The following KIF6 variants were observed in gnomAD, a reference collection of about 807,000 sequenced individuals.
The protein encoded by KIF6 is kinesin family member 6, also known as kinesin-like protein KIF6.
Under a neutral mutation model 112.7 loss-of-function variants are expected in KIF6, and 106 were observed. That is an observed-to-expected ratio of 0.94 (90% CI 0.80 to 1.11). KIF6 has a LOEUF of 1.11. KIF6 is among the 50% of genes least tolerant of loss of function. KIF6 has a pLI of 0.00. For missense variants in KIF6, 929 were observed against 964.0 expected (o/e 0.96, Z 0.48); for synonymous variants, 339 against 339.9 (o/e 1.00, Z 0.03).
intron 12 of KIF6, among the ~76,000 whole-genome samples, chr6:39,543,589 T>A: frequency 6.6e-6 from 1 of 150,684 alleles, no homozygotes; most frequent in East Asian, 1.9e-4. Context: ...TTTGCATAAA[T>A]AGCTGAAGCT....
intron 3 of KIF6, among the ~76,000 whole-genome samples, chr6:39,698,868 T>A: frequency 6.6e-6 from 1 of 152,244 alleles, no homozygotes; most frequent in South Asian, 2.1e-4. Context: ...ATGGGAATTT[T>A]CATTAATTAA....
At chr6:39,430,961 T>G in intron 14 of KIF6, 92 bp downstream of exon 14, 1 of 647,298 alleles carries the variant, frequency 1.5e-6, no homozygotes, top group Non-Finnish European at 2.8e-6. Context: ...ATAGTTATGT[T>G]GGGCAGATTA....
In KIF6 at chr6:39,414,560, T is replaced by C. The variant is rs145393590; in HGVS notation, c.1810+5388A>G. On this transcript the variant is annotated intron_variant, in intron 15 of 22. Transcript: ENST00000287152. ...ATGGAGAGCAAGGGCAGGCTGGACT[T>C]CAGCCCCACTCACTGCCACAACTGG... Among the ~76,000 whole-genome samples the C allele has an allele frequency of 2.0e-3, 309 of 152,336 alleles. 3 individuals carry two copies. Among genetic ancestry groups the C allele is most frequent in the African/African-American group, 7.2e-3 (301 of 41,568 alleles).
At chr6:39,675,885 G>T (rs1176007886) in intron 3 of KIF6, among the ~76,000 whole-genome samples, 1 of 151,866 alleles carries the variant, frequency 6.6e-6, no homozygotes, top group South Asian at 2.1e-4. Flanking sequence ...GTGAGAAAAG[G>T]CTTAATGAAC....
intron 16 of KIF6, among the ~76,000 whole-genome samples, chr6:39,365,290 A>G (rs1765474200): frequency 6.6e-6 from 1 of 152,192 alleles, no homozygotes. Flanking sequence ...TAAACACAGG[A>G]CATGCAGATA....
intron 12 of KIF6, 45 bp from the exon 13 acceptor site, chr6:39,540,266 T>A: frequency 8.4e-7 from 1 of 1,194,136 alleles, no homozygotes; most frequent in Non-Finnish European, 1.2e-6. Flanking sequence ...TAGCTTATAG[T>A]AATCAAAACA....
chr6:39,414,621 C>T (rs934277477), intron 15 of KIF6, among the ~76,000 whole-genome samples: 7 of 152,296 alleles, frequency 4.6e-5, no homozygotes, highest in Middle Eastern at 3.4e-3. Flanking sequence ...TCATTAATCA[C>T]GCTACAAAGA....
chr6:39,709,645 A>G (rs1789424987), intron 3 of KIF6, among the ~76,000 whole-genome samples: 1 of 152,216 alleles, frequency 6.6e-6, no homozygotes, highest in Non-Finnish European at 1.5e-5. Context: ...GAGATTCCTG[A>G]ATTACAGAAT....
rs201574699 is a variant in KIF6, at chr6:39,388,534, G to GT, written c.1811-2863dup. ...ACTAACATCTCCCACCACATGGCAAGTTTTTTTTTATTTCCCCCAAACAAG... is the reference window on the plus strand; with the variant it reads ...ACTAACATCTCCCACCACATGGCAAGTTTTTTTTTTATTTCCCCCAAACAAG... On this transcript the variant is annotated intron_variant, in intron 15 of 22. Transcript: ENST00000287152. 6.2e-3 allele frequency among the ~76,000 whole-genome samples: 948 copies of GT among 151,812 alleles called. 7 individuals are homozygous for GT. Among genetic ancestry groups the GT allele is most frequent in the African/African-American group, 0.021 (888 of 41,420 alleles).
At chr6:39,530,239 C>T (rs1777969274) in intron 13 of KIF6, among the ~76,000 whole-genome samples, 1 of 152,184 alleles carries the variant, frequency 6.6e-6, no homozygotes, top group Admixed American at 6.5e-5. Flanking sequence ...CTTTGGCTTT[C>T]ATTTCACCTT....
intron 13 of KIF6, among the ~76,000 whole-genome samples, chr6:39,478,391 GAGT>G (rs1375085878): frequency 1.3e-5 from 2 of 152,184 alleles, no homozygotes; most frequent in African/African-American, 2.4e-5. Flanking sequence ...TTTTATGGCT[GAGT>G]AGTATTCCAT....
At chr6:39,719,008 A>T (rs926323960) in intron 2 of KIF6, among the ~76,000 whole-genome samples, 5 of 152,160 alleles carry the variant, frequency 3.3e-5, no homozygotes, top group African/African-American at 1.2e-4. Context: ...AGACAACAAA[A>T]AAAGCAAATA....
intron 13 of KIF6, among the ~76,000 whole-genome samples, chr6:39,484,288 T>C (rs1774985680): frequency 6.6e-6 from 1 of 152,220 alleles, no homozygotes; most frequent in Admixed American, 6.5e-5. Context: ...AGCTTGTACC[T>C]GGTGTGAGAC....
intron 10 of KIF6, among the ~76,000 whole-genome samples, chr6:39,552,571 ACT>A (rs1400759451): frequency 2.0e-5 from 3 of 152,030 alleles, no homozygotes; most frequent in Non-Finnish European, 2.9e-5. Flanking sequence ...TACTACAAAG[ACT>A]CTCAGTTAAT....
chr6:39,342,729 G>A lies in KIF6; in HGVS notation c.2428+980C>T. On this transcript the variant is annotated intron_variant, in intron 22 of 22. Transcript: ENST00000287152. The surrounding 1 kb of genome is among the most constrained non-coding windows in gnomAD (Gnocchi z 4.7). ...CCTGACAGTGTTGCTGAGGCTGCTG[G>A]TCCTGGTGGTGAAGAGAGGATAGTA... is the stretch of plus-strand genomic sequence containing the variant. 1.1e-6 allele frequency: 1 copy of A among 927,476 alleles called. No individual in the cohort carries two copies. The highest frequency in any genetic ancestry group is 5.6e-4 in the Middle Eastern group (1 of 1,796). 57.5% of individuals were successfully genotyped at this position (927,476 alleles called of 1,614,324 possible).
At chr6:39,473,294 A>C (rs1240001874) in intron 13 of KIF6, among the ~76,000 whole-genome samples, 4 of 152,110 alleles carry the variant, frequency 2.6e-5, no homozygotes, top group African/African-American at 9.7e-5. Context: ...ATACAAAATC[A>C]ATTTAGGTAA....
At chr6:39,705,595 A>T (rs1253831101) in intron 3 of KIF6, among the ~76,000 whole-genome samples, 1 of 152,192 alleles carries the variant, frequency 6.6e-6, no homozygotes, top group Non-Finnish European at 1.5e-5. Flanking sequence ...ACAGTGAACA[A>T]AGGTAAAGAG....
intron 3 of KIF6, among the ~76,000 whole-genome samples, chr6:39,677,865 T>C (rs1426909601): frequency 7.2e-6 from 1 of 139,120 alleles, no homozygotes; most frequent in Admixed American, 7.5e-5. Flanking sequence ...TATGAACTCA[T>C]CATTTTTTAT....
intron 13 of KIF6, among the ~76,000 whole-genome samples, chr6:39,490,315 G>A (rs1243463567): frequency 3.9e-5 from 6 of 152,174 alleles, no homozygotes; most frequent in African/African-American, 1.2e-4. Flanking sequence ...TTGTGAAATC[G>A]TCAAGTAAGG....
Sources: gnomAD v4.1 joint callset for allele counts (sites outside exome capture counted in the v4.1 genomes callset) on GRCh38, gnomAD v4.1.1 for gene constraint, Gnocchi (gnomAD v3.1) non-coding constraint, MANE v1.5 for transcripts, NCBI Gene and HGNC (gene_info 2026-07-23, HGNC 2026-07-21) for gene names.